KIF2A: variants seen among roughly 807,000 people sequenced by gnomAD.
KIF2A encodes the protein kinesin-like protein KIF2A.
In KIF2A, 22 loss-of-function variants were observed where a neutral mutation model predicts 100.2. The ratio of observed to expected loss-of-function variants is 0.22; its 90% CI spans 0.16 to 0.31. KIF2A has a LOEUF of 0.31. Among genes scored for constraint, KIF2A ranks in the 10% least tolerant of loss-of-function variants. KIF2A has a pLI of 1.00. For missense variants in KIF2A, 495 were observed against 898.7 expected (o/e 0.55, Z 5.74); for synonymous variants, 268 against 285.9 (o/e 0.94, Z 0.63).
chr5:62,373,490 A>AT (rs1417829651), intron 17 of KIF2A, among the ~76,000 whole-genome samples, 197 bp from the exon 18 acceptor site: 3 of 152,186 alleles, frequency 2.0e-5, no homozygotes, highest in African/African-American at 7.2e-5. Flanking sequence ...TGAATTATAT[A>AT]AAGTTACCTA....
rs188339233 is a variant in KIF2A at position 62,371,087 on chromosome 5, C to T, written c.1647-1351C>T. On this transcript the variant is annotated intron_variant, in intron 16 of 20. Coordinates refer to ENST00000407818, the MANE Select transcript of KIF2A (RefSeq NM_001098511.3). The stretch of plus-strand genomic sequence containing the variant: ...TTTGAGACCAGCCTGAGCAACCTAA[C>T]GAGACCTCATCTCTACAAAAAAATA... 2.3e-3 allele frequency among the ~76,000 whole-genome samples: 351 copies of T among 151,970 alleles called. 1 individual carries two copies. The highest frequency in any genetic ancestry group is 8.1e-3 in the African/African-American group (335 of 41,460).
At chr5:62,373,892 G>T (rs1741427933) in intron 18 of KIF2A, 55 bp downstream of exon 18, 1 of 1,343,576 alleles carries the variant, frequency 7.4e-7, no homozygotes, top group African/African-American at 1.4e-5. Flanking sequence ...ATCAGTAGCA[G>T]AACTTAACTG....
intron 1 of KIF2A, among the ~76,000 whole-genome samples, chr5:62,324,600 G>A (rs568353507): frequency 6.6e-6 from 1 of 152,296 alleles, no homozygotes; most frequent in South Asian, 2.1e-4. Context: ...ATAATAGCAA[G>A]CAACGGGGAA....
chr5:62,370,438 C>T (rs185245252), intron 16 of KIF2A, among the ~76,000 whole-genome samples: 178 of 152,092 alleles, frequency 1.2e-3, no homozygotes, highest in African/African-American at 4.0e-3. Context: ...GGATTACAGG[C>T]GCCCGTCACC....
At chr5:62,331,711 T>A (rs888014875) in intron 1 of KIF2A, among the ~76,000 whole-genome samples, 2 of 151,394 alleles carry the variant, frequency 1.3e-5, no homozygotes, top group African/African-American at 2.4e-5. Context: ...ACTTGCCATA[T>A]GTATGGTCAT....
At chr5:62,381,649 C>T (rs1270889479) in intron 20 of KIF2A, among the ~76,000 whole-genome samples, 1 of 152,244 alleles carries the variant, frequency 6.6e-6, no homozygotes, top group Non-Finnish European at 1.5e-5. Flanking sequence ...ACTGCATCCT[C>T]AACCTCCTGT....
chr5:62,325,381 C>T lies in KIF2A; in HGVS notation c.64+18845C>T, dbSNP rs929819119. On this transcript the variant is annotated intron_variant, in intron 1 of 20. Transcript: ENST00000407818. The stretch of plus-strand genomic sequence containing the variant: ...TCAGGTGATCCACCTGCCTCGGCCT[C>T]CAAAAGTGCTGGGATTACAGGCATG... 3.9e-5 allele frequency among the ~76,000 whole-genome samples: 6 copies of T among 152,028 alleles called. No individual in the cohort carries two copies. The South Asian group carries it at 1.0e-3, about 26-fold the overall frequency.
chr5:62,361,705 T>C (rs1247213440), intron 11 of KIF2A, among the ~76,000 whole-genome samples, 176 bp downstream of exon 11: 1 of 126,386 alleles, frequency 7.9e-6, no homozygotes, highest in Non-Finnish European at 1.6e-5. Flanking sequence ...ATATTCACAA[T>C]AATTTTTTTT....
chr5:62,327,339 A>G (rs1746427369), intron 1 of KIF2A, among the ~76,000 whole-genome samples: 1 of 152,154 alleles, frequency 6.6e-6, no homozygotes. Context: ...ACCCCATCGC[A>G]GTGAAATTTC....
intron 19 of KIF2A, among the ~76,000 whole-genome samples, chr5:62,378,168 C>G (rs754428744): frequency 6.6e-6 from 1 of 152,172 alleles, no homozygotes; most frequent in African/African-American, 2.4e-5. Flanking sequence ...CTACTTACTT[C>G]AGGAGATGGA....
intron 1 of KIF2A, among the ~76,000 whole-genome samples, chr5:62,335,997 G>C (rs1746925090): frequency 6.6e-6 from 1 of 152,140 alleles, no homozygotes. Context: ...CTATGAATAT[G>C]ACTTAGGACT....
At position 62,355,274 on chromosome 5, in the gene KIF2A, A is replaced by C; in HGVS notation, c.654+20A>C. Reference sequence around the variant, plus strand: ...GATCCTGTAAGATTCTTTGTAAACCATTATTCTGGAACTTTTTATGCTTCA... The same window carrying C: ...GATCCTGTAAGATTCTTTGTAAACCCTTATTCTGGAACTTTTTATGCTTCA... On this transcript the variant is annotated intron_variant, in intron 7 of 20. Coordinates refer to ENST00000407818, the MANE Select transcript of KIF2A (RefSeq NM_001098511.3). 8.2e-7 allele frequency: 1 copy of C among 1,223,484 alleles called. No homozygotes were observed. The allele number at this position is 1,223,484 out of a possible 1,614,324, so 75.8% of individuals were successfully genotyped here.
rs573703753 is a variant in KIF2A at position 62,349,784 on chromosome 5, A to G, written c.280-282A>G. Among the ~76,000 whole-genome samples, 4 of 152,294 alleles carry G rather than the reference A, an allele frequency of 2.6e-5. No individual in the cohort carries two copies. In the South Asian group the frequency reaches 8.3e-4, roughly 32 times the overall value. ...CAGTTTCCTCATCGATGAGATGGGA[A>G]TAGCAGTAGTAATGACCTCATAGGT... On this transcript the variant is annotated intron_variant, in intron 3 of 20. Transcript: ENST00000407818.
At chr5:62,346,158 T>C (rs923385599) in intron 1 of KIF2A, among the ~76,000 whole-genome samples, 7 of 152,068 alleles carry the variant, frequency 4.6e-5, no homozygotes, top group Non-Finnish European at 7.4e-5. Flanking sequence ...ATTATTTAGC[T>C]CTGTAGTTAT....
In KIF2A at chr5:62,385,601, C is replaced by T. The variant is rs1485951849; in HGVS notation, c.*32C>T. On this transcript the variant is annotated 3_prime_UTR_variant, in exon 21 of 21. Coordinates refer to ENST00000407818, the MANE Select transcript of KIF2A (RefSeq NM_001098511.3). The stretch of plus-strand genomic sequence containing the variant: ...ATTTGCTGCTAAAGGATACCCAGAA[C>T]CCTCACTACTGTAACATACAACGGT... 2.1e-6 allele frequency: 3 copies of T among 1,442,014 alleles called. No individual in the cohort carries two copies. Among genetic ancestry groups the T allele is most frequent in the South Asian group, 2.4e-5 (2 of 82,430 alleles). 89.3% of individuals were successfully genotyped at this position (1,442,014 alleles called of 1,614,324 possible).
intron 20 of KIF2A, among the ~76,000 whole-genome samples, chr5:62,381,589 G>A (rs980528301): frequency 7.2e-5 from 11 of 151,882 alleles, no homozygotes; most frequent in African/African-American, 1.7e-4. Flanking sequence ...GCCTTTTTTC[G>A]GGTCTCATTC....
intron 1 of KIF2A, among the ~76,000 whole-genome samples, chr5:62,344,215 C>T (rs993347958): frequency 2.6e-5 from 4 of 151,744 alleles, no homozygotes; most frequent in Admixed American, 1.3e-4. Context: ...CGTGGTGGTG[C>T]GCACCTGTAG....
chr5:62,327,494 A>G (rs977015678), intron 1 of KIF2A, among the ~76,000 whole-genome samples: 1 of 152,288 alleles, frequency 6.6e-6, no homozygotes, highest in East Asian at 1.9e-4. Context: ...ACAATCCCCA[A>G]GCTTTTTTCT....
intron 1 of KIF2A, among the ~76,000 whole-genome samples, chr5:62,307,916 C>G (rs756011719): frequency 6.6e-6 from 1 of 152,174 alleles, no homozygotes; most frequent in Non-Finnish European, 1.5e-5. Context: ...TCGCGCCTGG[C>G]CTCGATTCCT....
Sources: gnomAD v4.1 joint callset for allele counts (sites outside exome capture counted in the v4.1 genomes callset) on GRCh38, gnomAD v4.1.1 for gene constraint, MANE v1.5 for transcripts, NCBI Gene and HGNC (gene_info 2026-07-23, HGNC 2026-07-21) for gene names.